VGLL2: variants seen among roughly 807,000 people sequenced by gnomAD.
The protein encoded by VGLL2 is transcription cofactor vestigial-like protein 2.
A neutral mutation model predicts 27.0 loss-of-function variants in VGLL2; 18 were observed. The observed-to-expected ratio is 0.67, with a 90% CI of 0.46 to 0.99. The LOEUF (loss-of-function observed/expected upper bound fraction) is 0.99, where lower values mean the gene tolerates loss of function less well. VGLL2 is among the 50% of genes least tolerant of loss of function. The pLI, the probability that VGLL2 is intolerant of heterozygous loss-of-function variation, is 0.00. For synonymous variants in VGLL2, 220 were observed against 201.1 expected (o/e 1.09, Z -0.80); for missense variants, 491 against 452.3 (o/e 1.09, Z -0.78).
At chr6:117,271,585 G>A (rs954954663) in intron 3 of VGLL2, among the ~76,000 whole-genome samples, 2 of 152,034 alleles carry the variant, frequency 1.3e-5, no homozygotes, top group Non-Finnish European at 2.9e-5. Flanking sequence ...ATTATAAAAA[G>A]TTTCATGTTT....
At chr6:117,270,461 G>C in intron 2 of VGLL2, 82 bp from the exon 3 acceptor site, 3 of 1,448,100 alleles carry the variant, frequency 2.1e-6, no homozygotes, top group South Asian at 2.8e-5. Context: ...CGGGCGGGAC[G>C]TGCAGGTCGG....
chr6:117,266,293 G>A (rs1773066617), intron 1 of VGLL2, among the ~76,000 whole-genome samples: 1 of 152,210 alleles, frequency 6.6e-6, no homozygotes. Flanking sequence ...AAGGGCCGGT[G>A]TTCTCATCCC....
rs537936111 is a variant in VGLL2 at position 117,273,393 on chromosome 6, C to T, written c.*899C>T. 32 of 152,208 alleles carry T rather than the reference C, an allele frequency of 2.1e-4. No individual in the cohort carries two copies. Among genetic ancestry groups the T allele is most frequent in the African/African-American group, 7.2e-4 (30 of 41,546 alleles). 9.4% of individuals were successfully genotyped at this position (152,208 alleles called of 1,614,324 possible). A position where few individuals can be genotyped will look rare whatever the true frequency, so the allele number is the denominator to read the frequency against. On this transcript the variant is annotated 3_prime_UTR_variant, in exon 4 of 4. Coordinates refer to ENST00000326274, the MANE Select transcript of VGLL2 (RefSeq NM_182645.3). ...TCCATGGAGAAGAACTAGGAATCAC[C>T]ACAAGGGGAAGAAATGTACATGAAG...
At chr6:117,267,824 T>C (rs1773099438) in intron 1 of VGLL2, among the ~76,000 whole-genome samples, 1 of 152,206 alleles carries the variant, frequency 6.6e-6, no homozygotes, top group Non-Finnish European at 1.5e-5. Flanking sequence ...TGGAGTCTGA[T>C]TTTAAAAATA....
At chr6:117,265,960 C>A in intron 1 of VGLL2, 116 bp downstream of exon 1, 2 of 942,634 alleles carry the variant, frequency 2.1e-6, no homozygotes, top group East Asian at 2.6e-5. Flanking sequence ...CGACCACGAC[C>A]GGCGCAGCCG....
chr6:117,272,886 A>G lies in VGLL2; in HGVS notation c.*392A>G, dbSNP rs1211152731. On this transcript the variant is annotated 3_prime_UTR_variant, in exon 4 of 4. Transcript: ENST00000326274. ...GTGATTATAGCACTACTACTGTCAG[A>G]TTTTAAATTGTATGTGTACTTGCAT... 8.9e-6 allele frequency: 2 copies of G among 224,594 alleles called. No individual in the cohort carries two copies. The highest frequency in any genetic ancestry group is 1.6e-4 in the South Asian group (2 of 12,296). 13.9% of individuals were successfully genotyped at this position (224,594 alleles called of 1,614,324 possible). A position where few individuals can be genotyped will look rare whatever the true frequency, so the allele number is the denominator to read the frequency against.
chr6:117,271,850 A>G (rs1214874703), intron 3 of VGLL2, among the ~76,000 whole-genome samples: 1 of 152,218 alleles, frequency 6.6e-6, no homozygotes, highest in Non-Finnish European at 1.5e-5. Context: ...TAAAATGACA[A>G]TCCTAAGTCT....
At chr6:117,272,409 C>G in intron 3 of VGLL2, 45 bp from the exon 4 acceptor site, 1 of 1,614,130 alleles carries the variant, frequency 6.2e-7, no homozygotes, top group South Asian at 1.1e-5. Context: ...GCACTCAGAG[C>G]TGAAATGGAG....
chr6:117,270,759 AC>A lies in VGLL2; in HGVS notation c.611del (p.Pro204ArgfsTer40), dbSNP rs763711663. On this transcript the variant is annotated frameshift_variant, in exon 3 of 4. Coordinates refer to ENST00000326274, the MANE Select transcript of VGLL2 (RefSeq NM_182645.3). ...CACCACGCGCACCCGCACCACGCGC[AC>A]CCGCATCACCCCTACGCCCTGGGCG... is the stretch of plus-strand genomic sequence containing the variant. ...PWHHAHPHHA[H>X]PHHPYALGGA... The A allele has an allele frequency of 3.3e-6, 5 of 1,499,852 alleles. No individual in the cohort carries two copies. In the African/African-American group the frequency reaches 4.4e-5, roughly 13 times the overall value. 92.9% of individuals were successfully genotyped at this position (1,499,852 alleles called of 1,614,324 possible). A position where few individuals can be genotyped will look rare whatever the true frequency, so the allele number is the denominator to read the frequency against.
In VGLL2 at chr6:117,270,470, G is replaced by A. The variant is rs1302943750; in HGVS notation, c.392-73G>A. ...GTCTCTCGGGCGGGACGTGCAGGTC[G>A]GCGCTGAGTCCAGCCGCAGTGACAC... On this transcript the variant is annotated intron_variant, in intron 2 of 3. Coordinates refer to ENST00000326274, the MANE Select transcript of VGLL2 (RefSeq NM_182645.3). 4.1e-6 allele frequency: 6 copies of A among 1,468,964 alleles called. No homozygotes were observed. The East Asian group carries it at 1.7e-4, about 42-fold the overall frequency. 91.0% of individuals were successfully genotyped at this position (1,468,964 alleles called of 1,614,324 possible).
intron 3 of VGLL2, 198 bp from the exon 4 acceptor site, chr6:117,272,256 C>G: frequency 1.0e-6 from 1 of 967,706 alleles, no homozygotes; most frequent in Non-Finnish European, 1.2e-6. Context: ...CCCTCTCCCT[C>G]TCTTTCCCTC....
chr6:117,272,344 T>C (rs1773220848), intron 3 of VGLL2, 110 bp from the exon 4 acceptor site: 1 of 1,599,654 alleles, frequency 6.3e-7, no homozygotes, highest in Admixed American at 1.7e-5. Flanking sequence ...GGATGTGTAC[T>C]GGTTTTAGAC....
intron 2 of VGLL2, among the ~76,000 whole-genome samples, chr6:117,270,062 G>A (rs1442971056): frequency 9.2e-5 from 14 of 152,148 alleles, no homozygotes; most frequent in Admixed American, 9.2e-4. Flanking sequence ...GCTGAAACGC[G>A]AGAGGGGGTA....
chr6:117,270,784 C>T lies in VGLL2; in HGVS notation c.633C>T (p.Gly211=). The T allele has an allele frequency of 6.9e-7, 1 of 1,445,968 alleles. No homozygotes were observed. Among genetic ancestry groups the T allele is most frequent in the Non-Finnish European group, 9.1e-7 (1 of 1,104,908 alleles). 89.6% of individuals were successfully genotyped at this position (1,445,968 alleles called of 1,614,324 possible). A position where few individuals can be genotyped will look rare whatever the true frequency, so the allele number is the denominator to read the frequency against. The part of the protein sequence containing the change: ...HAHPHHPYAL[G]GALGAQAAPY... ...ACCCGCATCACCCCTACGCCCTGGG[C>T]GGCGCCCTCGGCGCCCAGGCCGCCC... Residue 211 remains glycine (G), a synonymous_variant, in exon 3 of 4, where the codon GGC becomes GGT. Coordinates refer to ENST00000326274, the MANE Select transcript of VGLL2 (RefSeq NM_182645.3).
At chr6:117,267,395 T>C (rs1361973213) in intron 1 of VGLL2, among the ~76,000 whole-genome samples, 2 of 152,218 alleles carry the variant, frequency 1.3e-5, no homozygotes, top group African/African-American at 2.4e-5. Flanking sequence ...CTGCTCCTTT[T>C]TATCATTTCC....
rs781060039 is a variant in VGLL2 at position 117,271,112 on chromosome 6, A to T, written c.913+48A>T. 8.3e-6 allele frequency: 10 copies of T among 1,197,702 alleles called. No individual in the cohort carries two copies. The African/African-American group carries it at 1.6e-4, about 19-fold the overall frequency. 74.2% of individuals were successfully genotyped at this position (1,197,702 alleles called of 1,614,324 possible). ...TCTCCGCGGAGCCGCTCGGCCCCGT[A>T]CCCGACCCTGGGCTGTGCCTAGACC... On this transcript the variant is annotated intron_variant, in intron 3 of 3. Transcript: ENST00000326274.
chr6:117,273,384 AG>A lies in VGLL2; in HGVS notation c.*892del. The stretch of plus-strand genomic sequence containing the variant: ...CCAACTGTCTCCATGGAGAAGAACT[AG>A]GAATCACCACAAGGGGAAGAAATGT... On this transcript the variant is annotated 3_prime_UTR_variant, in exon 4 of 4. Transcript: ENST00000326274. The A allele has an allele frequency of 6.6e-6, 1 of 152,210 alleles. No individual in the cohort carries two copies. Among genetic ancestry groups the A allele is most frequent in the East Asian group, 1.9e-4 (1 of 5,200 alleles). 9.4% of individuals were successfully genotyped at this position (152,210 alleles called of 1,614,324 possible).
At chr6:117,271,176 A>G (rs1372850710) in intron 3 of VGLL2, 112 bp downstream of exon 3, 4 of 974,340 alleles carry the variant, frequency 4.1e-6, no homozygotes, top group Non-Finnish European at 3.9e-6. Flanking sequence ...CTGTGGCCCA[A>G]GGATCTGCAT....
chr6:117,272,707 T>C lies in VGLL2; in HGVS notation c.*213T>C. The C allele has an allele frequency of 1.6e-6, 1 of 641,790 alleles. No individual in the cohort carries two copies. Among genetic ancestry groups the C allele is most frequent in the Non-Finnish European group, 2.6e-6 (1 of 391,760 alleles). 39.8% of individuals were successfully genotyped at this position (641,790 alleles called of 1,614,324 possible). A position where few individuals can be genotyped will look rare whatever the true frequency, so the allele number is the denominator to read the frequency against. On this transcript the variant is annotated 3_prime_UTR_variant, in exon 4 of 4. Transcript: ENST00000326274. Reference sequence around the variant, plus strand: ...GCAAATCCAAAGACTGAGTTATGTTTAATGACTTTTGGCCGAATCACTGGA... The same window carrying C: ...GCAAATCCAAAGACTGAGTTATGTTCAATGACTTTTGGCCGAATCACTGGA...
Sources: allele counts gnomAD v4.1 joint callset (sites outside exome capture counted in the v4.1 genomes callset), GRCh38; gene constraint gnomAD v4.1.1; transcripts MANE v1.5; gene names NCBI Gene and HGNC (gene_info 2026-07-23, HGNC 2026-07-21).